The following MSL3 variants were observed in gnomAD, a reference collection of about 807,000 sequenced individuals.
The protein encoded by MSL3 is MSL complex subunit 3.
MSL3 carries 5 observed loss-of-function variants against 37.2 expected under a neutral mutation model. The observed-to-expected ratio is 0.13, with a 90% CI of 0.07 to 0.28. MSL3 has a LOEUF of 0.28. Among genes scored for constraint, MSL3 ranks in the 10% least tolerant of loss-of-function variants. MSL3 has a pLI of 1.00. For synonymous variants in MSL3, 149 were observed against 147.6 expected (o/e 1.01, Z -0.07); for missense variants, 315 against 408.5 (o/e 0.77, Z 1.97).
intron 12 of MSL3, among the ~76,000 whole-genome samples, chrX:11,772,993 A>C (rs2053243951): frequency 8.9e-6 from 1 of 112,378 alleles, no homozygotes; most frequent in African/African-American, 3.2e-5. Flanking sequence ...AATAGAAAAT[A>C]AATTTTCTAA....
At chrX:11,766,657 G>A (rs748034736) in intron 9 of MSL3, 4 of 753,072 alleles carry the variant, frequency 5.3e-6, no homozygotes, top group East Asian at 1.5e-4. Flanking sequence ...GGTGCCTCGC[G>A]GGCTCAGTGA....
At chrX:11,758,858 G>A (rs1276522184) in intron 1 of MSL3, 1 of 976,567 alleles carries the variant, frequency 1.0e-6, no homozygotes, top group Non-Finnish European at 1.4e-6. Flanking sequence ...GCCCCATCCC[G>A]CCTGTAGGCC....
In MSL3 at chrX:11,758,272, G is replaced by A. The variant is rs1226929242; in HGVS notation, c.9G>A (p.Ala3=). 1 of 1,051,269 alleles carries A rather than the reference G, an allele frequency of 9.5e-7. No individual in the cohort carries two copies. Among genetic ancestry groups the A allele is most frequent in the Non-Finnish European group, 1.2e-6 (1 of 803,636 alleles). 86.6% of individuals were successfully genotyped at this position (1,051,269 alleles called of 1,213,427 possible). Residue 3 remains alanine, a synonymous_variant, in exon 1 of 13, where the codon GCG becomes GCA. Coordinates refer to ENST00000312196, the MANE Select transcript of MSL3 (RefSeq NM_078629.4). The stretch of plus-strand genomic sequence containing the variant: ...TCCGCCACGATGAGCAAATGAGCGC[G>A]AGCGAGGGCATGAAATTTAAATTCC... MS[A]SEGMKFKFHS... is the part of the protein sequence containing the mutation.
At chrX:11,758,401 TG>T in intron 1 of MSL3, 36 bp downstream of exon 1, 1 of 863,916 alleles carries the variant, frequency 1.2e-6, no homozygotes, top group Non-Finnish European at 1.5e-6. Flanking sequence ...AGGCGCGGGC[TG>T]GGGGACCCGG....
chrX:11,765,619 A>G lies in MSL3; in HGVS notation c.1061A>G (p.His354Arg). The G allele has an allele frequency of 8.3e-7, 1 of 1,211,470 alleles. No homozygotes were observed. The highest frequency in any genetic ancestry group is 2.2e-5 in the Admixed American group (1 of 46,054). The change falls in exon 9 of 13, where the codon CAC (histidine) becomes CGC (arginine). Residue 354 changes from histidine to arginine, a missense_variant. His to Arg is a conservative substitution (Grantham distance 29). Transcript: ENST00000312196. ...ALQSLRRSTR[H>R]SANCDRLSES... The stretch of plus-strand genomic sequence containing the variant: ...CAGTCTCTGAGGCGGTCCACGCGCC[A>G]CAGTGCCAACTGTGACAGGCTTTCT...
At chrX:11,769,872 C>G (rs1438080717) in intron 10 of MSL3, among the ~76,000 whole-genome samples, 1 of 112,653 alleles carries the variant, frequency 8.9e-6, no homozygotes, top group East Asian at 2.8e-4. Flanking sequence ...TCCCAAAGTG[C>G]TGGGGTTACA....
intron 9 of MSL3, chrX:11,765,951 C>T: frequency 9.7e-7 from 1 of 1,030,797 alleles, no homozygotes. Context: ...TGGGCTGTTT[C>T]CTCAGCCTTT....
At chrX:11,763,987 G>T in intron 8 of MSL3, 49 bp downstream of exon 8, 1 of 1,064,583 alleles carries the variant, frequency 9.4e-7, no homozygotes, top group South Asian at 2.3e-5. Context: ...GCAGTACAAT[G>T]ATCAGATCCT....
intron 9 of MSL3, chrX:11,766,337 T>C (rs1384712306): frequency 1.6e-5 from 12 of 751,323 alleles, no homozygotes; most frequent in Admixed American, 8.6e-5. Context: ...AATATAAAAC[T>C]TAGAAGTAAA....
chrX:11,772,569 C>T, intron 11 of MSL3, 52 bp from the exon 12 acceptor site: 1 of 855,909 alleles, frequency 1.2e-6, no homozygotes, highest in Non-Finnish European at 1.7e-6. Context: ...GAATCCTATG[C>T]ATTGTCAGAT....
At chrX:11,774,947 A>G in intron 12 of MSL3, 33 bp from the exon 13 acceptor site, 1 of 1,035,280 alleles carries the variant, frequency 9.7e-7, no homozygotes, top group Non-Finnish European at 1.4e-6. Flanking sequence ...AGTCCTTAGT[A>G]TGGTGCTCAT....
intron 10 of MSL3, among the ~76,000 whole-genome samples, chrX:11,771,746 A>T (rs756875871): frequency 5.4e-5 from 6 of 111,155 alleles, no homozygotes; most frequent in Middle Eastern, 9.3e-3. Context: ...CACCTGGCTA[A>T]TTTTTTGTAT....
intron 1 of MSL3, 56 bp downstream of exon 1, chrX:11,758,421 G>A: frequency 1.1e-6 from 1 of 935,438 alleles, no homozygotes; most frequent in East Asian, 4.6e-5. Flanking sequence ...GGGACCGGGG[G>A]CGGGGGCGGG....
intron 10 of MSL3, among the ~76,000 whole-genome samples, chrX:11,771,492 T>C (rs1054108274): frequency 8.9e-6 from 1 of 112,971 alleles, no homozygotes; most frequent in African/African-American, 3.2e-5. Context: ...TTAAGGAATC[T>C]TGAAACAACA....
Position 11,772,688 on chromosome X carries a change from C to T in MSL3, c.1449C>T (p.His483=). 3 of 1,165,844 alleles carry T rather than the reference C, an allele frequency of 2.6e-6. No homozygotes were observed. Among genetic ancestry groups the T allele is most frequent in the African/African-American group, 3.5e-5 (2 of 56,547 alleles). The stretch of plus-strand genomic sequence containing the variant: ...AGAATCTGAAGGCTTTATTGAAGCA[C>T]TTTGATCTCTTTTTGAGGTATTTTT... ...SEKNLKALLK[H]FDLFLRFLAE... Residue 483 remains histidine, a synonymous_variant, in exon 12 of 13, where the codon CAC becomes CAT. Coordinates refer to ENST00000312196, the MANE Select transcript of MSL3 (RefSeq NM_078629.4).
Position 11,758,676 on chromosome X carries a change from C to G in MSL3, c.102+311C>G, listed in dbSNP as rs755734584. On this transcript the variant is annotated intron_variant, in intron 1 of 12. Coordinates refer to ENST00000312196, the MANE Select transcript of MSL3 (RefSeq NM_078629.4). ...CAACGGTGGCCGCTGAGGGAGGAGG[C>G]TTCTCGAATACGGTTTCTGTCTTCG... 39 of 1,164,589 alleles carry G rather than the reference C, an allele frequency of 3.3e-5. No individual in the cohort carries two copies. The East Asian group carries it at 1.1e-3, about 34-fold the overall frequency.
intron 1 of MSL3, 96 bp downstream of exon 1, chrX:11,758,461 G>C: frequency 1.1e-6 from 1 of 945,780 alleles, no homozygotes; most frequent in Non-Finnish European, 1.4e-6. Flanking sequence ...CTGAGGGACC[G>C]GCCGGGCTCC....
At chrX:11,767,297 A>G (rs1309946125) in intron 9 of MSL3, 3 of 743,191 alleles carry the variant, frequency 4.0e-6, no homozygotes, top group Non-Finnish European at 4.8e-6. Flanking sequence ...GTGCTTTTTT[A>G]AAACAGCTTG....
chrX:11,769,369 C>T lies in MSL3; in HGVS notation c.1281+687C>T, dbSNP rs141664021. Among the ~76,000 whole-genome samples the T allele has an allele frequency of 9.3e-4, 104 of 112,043 alleles. 1 individual carries two copies. Among genetic ancestry groups the T allele is most frequent in the Non-Finnish European group, 1.0e-3 (53 of 53,198 alleles). ...ACTTGAACCAAATACTTTGAATTCTCGAGATCAGCCTTGCCACCAGATTTC... is the reference window on the plus strand; with the variant it reads ...ACTTGAACCAAATACTTTGAATTCTTGAGATCAGCCTTGCCACCAGATTTC... On this transcript the variant is annotated intron_variant, in intron 10 of 12. Transcript: ENST00000312196.
Sources: gnomAD v4.1 joint callset for allele counts (sites outside exome capture counted in the v4.1 genomes callset) on GRCh38, gnomAD v4.1.1 for gene constraint, MANE v1.5 for transcripts, NCBI Gene and HGNC (gene_info 2026-07-23, HGNC 2026-07-21) for gene names.